Variants in RPGRIP1 observed in about 807,000 individuals in gnomAD.
The protein encoded by RPGRIP1 is RPGR interacting protein 1.
RPGRIP1 carries 128 observed loss-of-function variants against 157.9 expected under a neutral mutation model. That is an observed-to-expected ratio of 0.81 (90% confidence interval 0.70 to 0.94). The LOEUF (loss-of-function observed/expected upper bound fraction) is 0.94, where lower values mean the gene tolerates loss of function less well. RPGRIP1 is among the 40% of genes least tolerant of loss of function. The pLI, the probability that RPGRIP1 is intolerant of heterozygous loss-of-function variation, is 0.00. For synonymous variants in RPGRIP1, 554 were observed against 571.6 expected (o/e 0.97, Z 0.44); for missense variants, 1,486 against 1,545.8 (o/e 0.96, Z 0.65).
chr14:21,314,427 A>G (rs1347522248), intron 10 of RPGRIP1, among the ~76,000 whole-genome samples: 1 of 152,024 alleles, frequency 6.6e-6, no homozygotes, highest in East Asian at 1.9e-4. Flanking sequence ...CACAATGAGC[A>G]TGTATTCATG....
intron 10 of RPGRIP1, among the ~76,000 whole-genome samples, chr14:21,313,280 T>C (rs143265413): frequency 5.4e-4 from 81 of 149,982 alleles, no homozygotes; most frequent in East Asian, 4.9e-3. Context: ...GGTGGGAGGA[T>C]AACTTGCGCC....
intron 24 of RPGRIP1, among the ~76,000 whole-genome samples, chr14:21,350,799 C>T (rs964932739): frequency 6.6e-6 from 1 of 152,178 alleles, no homozygotes; most frequent in Non-Finnish European, 1.5e-5. Context: ...TTCTTCCTGA[C>T]CTCCATGCCA....
chr14:21,330,428 G>C, intron 20 of RPGRIP1, 41 bp downstream of exon 20: 1 of 1,372,620 alleles, frequency 7.3e-7, no homozygotes, highest in Non-Finnish European at 9.5e-7. Context: ...TAGCACTTTG[G>C]GAGGCCGAGG....
intron 21 of RPGRIP1, among the ~76,000 whole-genome samples, chr14:21,342,440 T>C (rs925436737): frequency 1.3e-5 from 2 of 150,822 alleles, no homozygotes; most frequent in African/African-American, 4.9e-5. Flanking sequence ...GCTACTTGGG[T>C]GACTAAGGTG....
At chr14:21,328,319 A>C in intron 18 of RPGRIP1, 105 bp from the exon 19 acceptor site, 1 of 793,308 alleles carries the variant, frequency 1.3e-6, no homozygotes. Flanking sequence ...TCTCAGCTCC[A>C]TGAGGAGAGA....
intron 22 of RPGRIP1, among the ~76,000 whole-genome samples, chr14:21,343,640 G>A (rs548857062): frequency 3.9e-4 from 59 of 151,994 alleles, no homozygotes; most frequent in Admixed American, 1.1e-3. Context: ...GCAGGTGTGC[G>A]CCACCGTGCC....
chr14:21,307,212 C>T (rs1881353760), intron 6 of RPGRIP1, among the ~76,000 whole-genome samples: 1 of 152,196 alleles, frequency 6.6e-6, no homozygotes, highest in Non-Finnish European at 1.5e-5. Context: ...TGCCACCACA[C>T]CCATCTGACT....
At chr14:21,344,191 T>A (rs2139344476) in intron 22 of RPGRIP1, among the ~76,000 whole-genome samples, 1 of 152,262 alleles carries the variant, frequency 6.6e-6, no homozygotes, top group Non-Finnish European at 1.5e-5. Flanking sequence ...TTATTATGGA[T>A]ATGTAAATAT....
chr14:21,319,660 A>G (rs977130289), intron 11 of RPGRIP1, among the ~76,000 whole-genome samples: 2 of 152,154 alleles, frequency 1.3e-5, no homozygotes, highest in African/African-American at 4.8e-5. Context: ...CTAGTAACCT[A>G]GAAGTCAGAA....
At chr14:21,340,634 A>G (rs1884900615) in intron 21 of RPGRIP1, among the ~76,000 whole-genome samples, 1 of 152,170 alleles carries the variant, frequency 6.6e-6, no homozygotes, top group Non-Finnish European at 1.5e-5. Context: ...CAGCCTGGGC[A>G]ACAGTGCTAG....
intron 3 of RPGRIP1, among the ~76,000 whole-genome samples, chr14:21,300,105 G>T (rs1490929540): frequency 6.6e-6 from 1 of 152,208 alleles, no homozygotes; most frequent in South Asian, 2.1e-4. Flanking sequence ...AGATCAGCCT[G>T]ACCAACATGG....
chr14:21,330,789 A>G (rs533375873), intron 20 of RPGRIP1, among the ~76,000 whole-genome samples: 1 of 152,316 alleles, frequency 6.6e-6, no homozygotes, highest in East Asian at 1.9e-4. Context: ...TTAGTATGTA[A>G]GACCTGAGGC....
At chr14:21,286,050 C>T (rs1266563864) in intron 1 of RPGRIP1, among the ~76,000 whole-genome samples, 1 of 152,000 alleles carries the variant, frequency 6.6e-6, no homozygotes, top group Non-Finnish European at 1.5e-5. Flanking sequence ...AGTGCAATGG[C>T]ACAATTTCAG....
intron 17 of RPGRIP1, 92 bp from the exon 18 acceptor site, chr14:21,327,531 T>A: frequency 9.8e-7 from 1 of 1,021,898 alleles, no homozygotes; most frequent in Non-Finnish European, 1.5e-6. Context: ...ATGTTGAAAT[T>A]AAAAATGGGA....
intron 24 of RPGRIP1, among the ~76,000 whole-genome samples, chr14:21,348,535 T>A (rs1397408724): frequency 1.3e-5 from 2 of 152,176 alleles, no homozygotes; most frequent in Non-Finnish European, 2.9e-5. Flanking sequence ...TCTACAATGT[T>A]TGAAAAGGAG....
chr14:21,285,016 C>T (rs1435075713), intron 1 of RPGRIP1, among the ~76,000 whole-genome samples: 1 of 152,002 alleles, frequency 6.6e-6, no homozygotes, highest in Non-Finnish European at 1.5e-5. Context: ...TGCTATGTGC[C>T]AATAACTGTT....
chr14:21,323,908 A>G (rs1334077981), intron 14 of RPGRIP1: 1 of 153,772 alleles, frequency 6.5e-6, no homozygotes, highest in South Asian at 2.0e-4. Flanking sequence ...ATATTCCCCA[A>G]TTTGAAGCAG....
intron 1 of RPGRIP1, among the ~76,000 whole-genome samples, chr14:21,283,290 C>T (rs1423445584): frequency 6.6e-6 from 1 of 152,000 alleles, no homozygotes; most frequent in African/African-American, 2.4e-5. Flanking sequence ...AGATGCTACT[C>T]TATTTATTTT....
In RPGRIP1 at chr14:21,325,290, A is replaced by C; in HGVS notation, c.2274A>C (p.Ile758=). The change falls in exon 16 of 25, where the codon ATA becomes ATC. Residue 758 remains isoleucine, a synonymous_variant. Coordinates refer to ENST00000400017, the MANE Select transcript of RPGRIP1 (RefSeq NM_020366.4). ...ACTGGATGAGGCTGCGTTTCCCCAT[A>C]AAACCCAGCCTACAGGCGTGCAATA... ...LEYWMRLRFP[I]KPSLQACNKR... The C allele has an allele frequency of 6.2e-7, 1 of 1,613,328 alleles. No homozygotes were observed. Among genetic ancestry groups the C allele is most frequent in the South Asian group, 1.1e-5 (1 of 90,980 alleles).
Sources: gnomAD v4.1 joint callset for allele counts (sites outside exome capture counted in the v4.1 genomes callset) on GRCh38, gnomAD v4.1.1 for gene constraint, MANE v1.5 for transcripts, NCBI Gene and HGNC (gene_info 2026-07-23, HGNC 2026-07-21) for gene names.